The following ARID2 variants were observed in gnomAD, a reference collection of about 807,000 sequenced individuals.
ARID2 encodes AT-rich interactive domain-containing protein 2.
In ARID2, 32 loss-of-function variants were observed where a neutral mutation model predicts 184.6. The observed-to-expected ratio is 0.17, with a 90% CI of 0.13 to 0.23. The LOEUF is 0.23. Ranked by LOEUF, ARID2 falls within the 10% of genes least tolerant of loss-of-function variation. ARID2 has a pLI of 1.00. For missense variants in ARID2, 1,696 were observed against 2,197.6 expected, an observed-to-expected ratio of 0.77 and a Z score of 4.56; for synonymous variants, 836 against 772.6, an observed-to-expected ratio of 1.08 and a Z score of -1.36.
At chr12:45,782,065 G>T (rs1308580909) in intron 3 of ARID2, among the ~76,000 whole-genome samples, 1 of 152,138 alleles carries the variant, frequency 6.6e-6, no homozygotes, top group Non-Finnish European at 1.5e-5. Flanking sequence ...ATTTGAGGAT[G>T]AAGGAGGGAC....
Position 45,850,831 on chromosome 12 carries a change from C to G in ARID2, c.2708C>G (p.Ser903Cys). 6.2e-7 allele frequency: 1 copy of G among 1,614,154 alleles called. No homozygotes were observed. Among genetic ancestry groups the G allele is most frequent in the African/African-American group, 1.3e-5 (1 of 75,036 alleles). The change falls in exon 15 of 21, where the codon TCT becomes TGT. Residue 903 changes from serine to cysteine, a missense_variant. By Grantham distance (112) the Ser-to-Cys change is moderately radical. This residue lies in a region of ARID2 where 713 missense variants were observed against 824.4 expected (regional missense o/e 0.86). Transcript: ENST00000334344. ...FQNIAPKPLP[S>C]QQVSSTVVQQ... is the part of the protein sequence containing the mutation. Reference sequence around the variant, plus strand: ...AACATTGCACCAAAACCTCTCCCTTCTCAGCAAGTTTCATCTACAGTGGTA... The same window carrying G: ...AACATTGCACCAAAACCTCTCCCTTGTCAGCAAGTTTCATCTACAGTGGTA...
rs577486496 is a variant in ARID2 at position 45,824,513 on chromosome 12, T to C, written c.705+3026T>C. Reference sequence around the variant, plus strand: ...AAAAGACTTACAAATGGCCAAAATATATATGAAAAATTGCTCAACATCACT... The same window carrying C: ...AAAAGACTTACAAATGGCCAAAATACATATGAAAAATTGCTCAACATCACT... On this transcript the variant is annotated intron_variant, in intron 6 of 20. Transcript: ENST00000334344. Among the ~76,000 whole-genome samples the C allele has an allele frequency of 3.6e-4, 54 of 152,010 alleles. 1 individual carries two copies. The highest frequency in any genetic ancestry group is 5.9e-4 in the Admixed American group (9 of 15,236).
At chr12:45,815,112 CAT>C (rs1171715436) in intron 4 of ARID2, among the ~76,000 whole-genome samples, 1 of 152,144 alleles carries the variant, frequency 6.6e-6, no homozygotes, top group African/African-American at 2.4e-5. Flanking sequence ...ATATTGAAAA[CAT>C]AAACTTTAGG....
At chr12:45,733,961 C>CTTATATT (rs1432710173) in intron 3 of ARID2, among the ~76,000 whole-genome samples, 3 of 152,026 alleles carry the variant, frequency 2.0e-5, no homozygotes, top group Non-Finnish European at 4.4e-5. Context: ...AAGTGCCTGC[C>CTTATATT]TGTATCAAAG....
chr12:45,769,000 A>G (rs551055108), intron 3 of ARID2, among the ~76,000 whole-genome samples: 46 of 152,134 alleles, frequency 3.0e-4, no homozygotes, highest in Non-Finnish European at 2.9e-4. Flanking sequence ...CTTCACACAG[A>G]GGGGAGATTG....
At chr12:45,842,362 TAC>T (rs956814187) in intron 11 of ARID2, 67 of 151,890 alleles carry the variant, frequency 4.4e-4, no homozygotes, top group Admixed American at 3.6e-3. Flanking sequence ...TGTGTATATA[TAC>T]ACACACATAT....
intron 3 of ARID2, among the ~76,000 whole-genome samples, chr12:45,787,400 T>C (rs1942215311): frequency 6.6e-6 from 1 of 151,664 alleles, no homozygotes; most frequent in Non-Finnish European, 1.5e-5. Flanking sequence ...TGTTTATTAT[T>C]ATTATTGTCT....
At position 45,893,552 on chromosome 12, in the gene ARID2, G is replaced by T. The variant is rs1046404741; in HGVS notation, c.5271+9G>T. The stretch of plus-strand genomic sequence containing the variant: ...TCTTTCGAGATTTTACAGTAAGCAT[G>T]CCTTGAAACCCTTATCTGTAAAAGT... On this transcript the variant is annotated intron_variant, in intron 19 of 20. Transcript: ENST00000334344. 1 of 1,613,292 alleles carries T rather than the reference G, an allele frequency of 6.2e-7. No individual in the cohort carries two copies. The highest frequency in any genetic ancestry group is 1.1e-5 in the South Asian group (1 of 90,946).
At chr12:45,889,035 CA>C (rs1440105973) in intron 16 of ARID2, among the ~76,000 whole-genome samples, 5 of 152,020 alleles carry the variant, frequency 3.3e-5, no homozygotes, top group African/African-American at 1.2e-4. Context: ...TAAAAAAATA[CA>C]AAAATTAGGC....
At chr12:45,804,846 T>C (rs1351422673) in intron 3 of ARID2, among the ~76,000 whole-genome samples, 3 of 152,130 alleles carry the variant, frequency 2.0e-5, no homozygotes, top group African/African-American at 7.2e-5. Context: ...ATTATGTTGC[T>C]TTTCTTTGTC....
intron 3 of ARID2, among the ~76,000 whole-genome samples, chr12:45,762,231 ATCT>A (rs1312607379): frequency 6.6e-6 from 1 of 152,096 alleles, no homozygotes; most frequent in African/African-American, 2.4e-5. Context: ...CATTTGCTAA[ATCT>A]TCTATAATCA....
intron 15 of ARID2, among the ~76,000 whole-genome samples, chr12:45,858,136 C>G (rs1943683426): frequency 6.6e-6 from 1 of 152,156 alleles, no homozygotes; most frequent in Non-Finnish European, 1.5e-5. Flanking sequence ...AAGTGTCTTT[C>G]CTTCTCACCT....
In ARID2 at chr12:45,850,529, T is replaced by G. The variant is rs1244444285; in HGVS notation, c.2406T>G (p.Phe802Leu). ...IQQAVPQSHM[F>L]GRVQNIPACT... ...AAGCTGTCCCACAGAGTCATATGTT[T>G]GGCAGAGTACAGAACATACCAGCAT... Residue 802 changes from phenylalanine (F) to leucine (L), a missense_variant, in exon 15 of 21, where the codon TTT (phenylalanine) becomes TTG (leucine). This residue lies in a region of ARID2 where 713 missense variants were observed against 824.4 expected (regional missense o/e 0.86). Coordinates refer to ENST00000334344, the MANE Select transcript of ARID2 (RefSeq NM_152641.4). The G allele has an allele frequency of 1.2e-6, 2 of 1,613,990 alleles. No homozygotes were observed. The highest frequency in any genetic ancestry group is 1.7e-6 in the Non-Finnish European group (2 of 1,179,994).
rs200988904 is a variant in ARID2 at position 45,905,952 on chromosome 12, C to CTTTTTTTTTTTTTTTTTTCT, written c.*885_*886insTTTTTTTCTTTTTTTTTTTT. 8 of 137,286 alleles carry CTTTTTTTTTTTTTTTTTTCT rather than the reference C, an allele frequency of 5.8e-5. No homozygotes were observed. Among genetic ancestry groups the CTTTTTTTTTTTTTTTTTTCT allele is most frequent in the South Asian group, 2.7e-4 (1 of 3,674 alleles). 8.5% of individuals were successfully genotyped at this position (137,286 alleles called of 1,614,324 possible). A position where few individuals can be genotyped will look rare whatever the true frequency, so the allele number is the denominator to read the frequency against. On this transcript the variant is annotated 3_prime_UTR_variant, in exon 21 of 21. Coordinates refer to ENST00000334344, the MANE Select transcript of ARID2 (RefSeq NM_152641.4). ...TTTTTTCTTTTTTCTTTTTTTTTTT[C>CTTTTTTTTTTTTTTTTTTCT]TTTTTTTTTTTGTATTATACACCTT...
chr12:45,896,063 A>G (rs886324323), intron 20 of ARID2, among the ~76,000 whole-genome samples: 5 of 152,238 alleles, frequency 3.3e-5, no homozygotes, highest in Non-Finnish European at 7.3e-5. Flanking sequence ...CAACATCCCA[A>G]TGATTTTTGA....
Position 45,905,998 on chromosome 12 carries a change from T to C in ARID2, c.*920T>C. 1 of 231,122 alleles carries C rather than the reference T, an allele frequency of 4.3e-6. No individual in the cohort carries two copies. The highest frequency in any genetic ancestry group is 8.5e-6 in the Non-Finnish European group (1 of 117,240). 14.3% of individuals were successfully genotyped at this position (231,122 alleles called of 1,614,324 possible). A position where few individuals can be genotyped will look rare whatever the true frequency, so the allele number is the denominator to read the frequency against. On this transcript the variant is annotated 3_prime_UTR_variant, in exon 21 of 21. Coordinates refer to ENST00000334344, the MANE Select transcript of ARID2 (RefSeq NM_152641.4). Reference sequence around the variant, plus strand: ...ACCTTGTAGAACTCATTTTGCTGGCTGAAAGAGTATGGAATAATATATCTC... The same window carrying C: ...ACCTTGTAGAACTCATTTTGCTGGCCGAAAGAGTATGGAATAATATATCTC...
At chr12:45,770,017 G>A (rs552880220) in intron 3 of ARID2, among the ~76,000 whole-genome samples, 5 of 152,294 alleles carry the variant, frequency 3.3e-5, no homozygotes, top group Non-Finnish European at 7.3e-5. Flanking sequence ...CACTTTGGGA[G>A]GCTGAGACGG....
intron 6 of ARID2, among the ~76,000 whole-genome samples, chr12:45,836,024 C>T (rs903550671): frequency 1.3e-5 from 2 of 152,122 alleles, no homozygotes; most frequent in Admixed American, 6.5e-5. Flanking sequence ...TCCCTTTAGT[C>T]GTCTGTGGCC....
At chr12:45,789,692 C>T (rs1168689909) in intron 3 of ARID2, 2 of 152,138 alleles carry the variant, frequency 1.3e-5, no homozygotes, top group African/African-American at 2.4e-5. Flanking sequence ...ATTCCAGTAA[C>T]TTTTGCTTCA....
Sources: allele counts gnomAD v4.1 joint callset (sites outside exome capture counted in the v4.1 genomes callset), GRCh38; gene constraint gnomAD v4.1.1; regional missense constraint gnomAD v4.1.1; transcripts MANE v1.5; gene names NCBI Gene and HGNC (gene_info 2026-07-23, HGNC 2026-07-21).